HYDIN: variants seen among roughly 807,000 people sequenced by gnomAD.
HYDIN encodes axonemal central pair apparatus protein HYDIN.
Under a neutral mutation model 403.9 loss-of-function variants are expected in HYDIN, and 132 were observed. That is an observed-to-expected ratio of 0.33 (90% confidence interval 0.28 to 0.38). The LOEUF (loss-of-function observed/expected upper bound fraction) is 0.38. Among genes scored for constraint, HYDIN ranks in the 10% least tolerant of loss-of-function variants. The pLI, the probability that HYDIN is intolerant of heterozygous loss-of-function variation, is 1.00. For synonymous variants in HYDIN, 1,202 were observed against 1,891.7 expected (o/e 0.64, Z 9.46); for missense variants, 2,827 against 5,009.5 (o/e 0.56, Z 13.15).
intron 1 of HYDIN, among the ~76,000 whole-genome samples, chr16:71,226,905 G>C (rs1233350686): frequency 6.6e-6 from 1 of 152,068 alleles, no homozygotes; most frequent in Admixed American, 6.5e-5. Flanking sequence ...CAGTTAGTGA[G>C]ACAATTTGAG....
chr16:70,858,925 T>C (rs1217446090), intron 71 of HYDIN, among the ~76,000 whole-genome samples: 1 of 150,292 alleles, frequency 6.7e-6, no homozygotes, highest in Non-Finnish European at 1.5e-5. Flanking sequence ...AGTCTACAAA[T>C]ATGTTTTGTT....
At chr16:70,816,376 C>A (rs1363639969) in intron 84 of HYDIN, among the ~76,000 whole-genome samples, 3 of 148,816 alleles carry the variant, frequency 2.0e-5, no homozygotes, top group Non-Finnish European at 3.0e-5. Flanking sequence ...AAAATTAGAA[C>A]CTTTTTGAAC....
chr16:70,868,784 C>A lies in HYDIN; in HGVS notation c.11096G>T (p.Gly3699Val), dbSNP rs1417117119. ...CTTGGCACACCCAGGGTGGAGGTGGCCCATCTAGGAAAGAGCCTGGTATTA... is the reference window on the plus strand; with the variant it reads ...CTTGGCACACCCAGGGTGGAGGTGGACCATCTAGGAAAGAGCCTGGTATTA... ...SATIAFSPQM[G>V]HLHPGCAKDI... The change falls in exon 66 of 86, where the codon GGC (glycine) becomes GTC (valine). Residue 3699 changes from glycine (G) to valine (V), a missense_variant. Coordinates refer to ENST00000393567, the MANE Select transcript of HYDIN (RefSeq NM_001270974.2). 6.2e-7 allele frequency: 1 copy of A among 1,613,336 alleles called. No homozygotes were observed. The highest frequency in any genetic ancestry group is 8.5e-7 in the Non-Finnish European group (1 of 1,179,776).
intron 52 of HYDIN, among the ~76,000 whole-genome samples, chr16:70,902,002 T>C (rs971835546): frequency 1.3e-5 from 2 of 152,126 alleles, no homozygotes; most frequent in African/African-American, 4.8e-5. Flanking sequence ...TTGTGTTTCA[T>C]TGAAAAAAAA....
intron 3 of HYDIN, among the ~76,000 whole-genome samples, chr16:71,181,747 A>C (rs1043388821): frequency 1.3e-5 from 2 of 152,202 alleles, no homozygotes; most frequent in African/African-American, 4.8e-5. Context: ...ATAAATATTG[A>C]GTTTCCAACA....
chr16:70,986,391 G>T (rs1284952909), intron 27 of HYDIN, among the ~76,000 whole-genome samples: 1 of 152,172 alleles, frequency 6.6e-6, no homozygotes, highest in African/African-American at 2.4e-5. Flanking sequence ...ACTCAGACAT[G>T]AGCCGAAACC....
At chr16:70,985,408 G>A in intron 27 of HYDIN, 86 bp from the exon 28 acceptor site, 1 of 1,101,668 alleles carries the variant, frequency 9.1e-7, no homozygotes, top group Non-Finnish European at 1.3e-6. Context: ...TCATGGATAA[G>A]GGTGTGACAG....
At chr16:71,198,465 T>C (rs537070796) in intron 1 of HYDIN, among the ~76,000 whole-genome samples, 1 of 152,264 alleles carries the variant, frequency 6.6e-6, no homozygotes, top group South Asian at 2.1e-4. Context: ...CTCTTGCTTG[T>C]AGTTGTGAAG....
At chr16:71,221,504 T>A (rs1403230920) in intron 1 of HYDIN, among the ~76,000 whole-genome samples, 1 of 151,938 alleles carries the variant, frequency 6.6e-6, no homozygotes, top group African/African-American at 2.4e-5. Flanking sequence ...TTCCCATAAA[T>A]AATTTTCCAA....
At chr16:71,202,473 C>T (rs3094456) in intron 1 of HYDIN, among the ~76,000 whole-genome samples, 26,902 of 152,020 alleles carry the variant, frequency 0.18, 2,976 homozygotes, top group Middle Eastern at 0.38. Context: ...TGTAATGGCC[C>T]TCTTTTGCTT....
rs1057332295 is a variant in HYDIN at position 70,804,621 on chromosome 16, C to A, written c.*2959G>T. 8.6e-6 allele frequency among the ~76,000 whole-genome samples: 1 copy of A among 116,832 alleles called. No individual in the cohort carries two copies. The highest frequency in any genetic ancestry group is 1.8e-5 in the Non-Finnish European group (1 of 55,164). 76.6% of individuals were successfully genotyped at this position (116,832 alleles called of 152,430 possible). ...CAGGACCAAGAATAAATATCTCAAA[C>A]GGAAAACTTAACGTTTCCTAATGTT... On this transcript the variant is annotated 3_prime_UTR_variant, in exon 86 of 86. Coordinates refer to ENST00000393567, the MANE Select transcript of HYDIN (RefSeq NM_001270974.2).
chr16:70,905,342 T>C (rs2076504935), intron 50 of HYDIN, among the ~76,000 whole-genome samples: 1 of 151,586 alleles, frequency 6.6e-6, no homozygotes, highest in Non-Finnish European at 1.5e-5. Flanking sequence ...CTCAGCACGG[T>C]TTAAAATAAT....
At chr16:71,034,595 A>C in intron 18 of HYDIN, among the ~76,000 whole-genome samples, 1 of 152,066 alleles carries the variant, frequency 6.6e-6, no homozygotes, top group East Asian at 1.9e-4. Context: ...TCAATTTCCC[A>C]ATTTATAATT....
At chr16:71,222,032 T>C (rs1015155242) in intron 1 of HYDIN, among the ~76,000 whole-genome samples, 4 of 152,230 alleles carry the variant, frequency 2.6e-5, no homozygotes, top group Admixed American at 6.5e-5. Context: ...ATCACTTTCT[T>C]TTTTCAATCC....
At chr16:70,951,044 G>A (rs1345537188) in intron 41 of HYDIN, among the ~76,000 whole-genome samples, 2 of 152,076 alleles carry the variant, frequency 1.3e-5, no homozygotes, top group African/African-American at 4.8e-5. Flanking sequence ...AGACCAGCCT[G>A]GGCAACACAG....
Position 71,115,765 on chromosome 16 carries a change from C to G in HYDIN, c.1258G>C (p.Glu420Gln), listed in dbSNP as rs529717289. 1 of 1,029,432 alleles carries G rather than the reference C, an allele frequency of 9.7e-7. No individual in the cohort carries two copies. Among genetic ancestry groups the G allele is most frequent in the Admixed American group, 1.8e-5 (1 of 56,720 alleles). The allele number at this position is 1,029,432 out of a possible 1,614,324, so 63.8% of individuals were successfully genotyped here. A position where few individuals can be genotyped will look rare whatever the true frequency, so the allele number is the denominator to read the frequency against. The stretch of plus-strand genomic sequence containing the variant: ...AGTGGGTTAAAGTACACGGTGATTT[C>G]AGCTGATGAGTTGGGCCAGACATCA... The part of the protein sequence containing the change: ...EGDVWPNSSA[E>Q]ITVYFNPLEA... Residue 420 changes from glutamate to glutamine, a missense_variant, in exon 10 of 86, where the codon GAA (glutamate) becomes CAA (glutamine). Coordinates refer to ENST00000393567, the MANE Select transcript of HYDIN (RefSeq NM_001270974.2).
intron 35 of HYDIN, among the ~76,000 whole-genome samples, 157 bp from the exon 36 acceptor site, chr16:70,970,916 A>G (rs1210590906): frequency 1.3e-5 from 2 of 152,240 alleles, no homozygotes; most frequent in Non-Finnish European, 2.9e-5. Flanking sequence ...CCGAATTAAC[A>G]TAAGTACTGG....
rs997958629 is a variant in HYDIN, at chr16:70,820,195, T to C, written c.14428-1623A>G. Reference sequence around the variant, plus strand: ...ATTTTTTTTTCTTTTTTCTTTTTTTTTTTTTTTTTTTTTGAGATGGAGTCT... The same window carrying C: ...ATTTTTTTTTCTTTTTTCTTTTTTTCTTTTTTTTTTTTTGAGATGGAGTCT... On this transcript the variant is annotated intron_variant, in intron 83 of 85. Coordinates refer to ENST00000393567, the MANE Select transcript of HYDIN (RefSeq NM_001270974.2). Among the ~76,000 whole-genome samples, 87 of 129,888 alleles carry C rather than the reference T, an allele frequency of 6.7e-4. 1 individual carries two copies. The highest frequency in any genetic ancestry group is 2.2e-3 in the African/African-American group (77 of 34,592). The allele number at this position is 129,888 out of a possible 152,430, so 85.2% of individuals were successfully genotyped here. A position where few individuals can be genotyped will look rare whatever the true frequency, so the allele number is the denominator to read the frequency against.
intron 67 of HYDIN, chr16:70,865,182 C>T (rs2039672423): frequency 2.7e-6 from 1 of 365,386 alleles, no homozygotes; most frequent in African/African-American, 2.1e-5. Flanking sequence ...TTCATTCTCG[C>T]TTCTTCACTT....
Sources: gnomAD v4.1 joint callset for allele counts (sites outside exome capture counted in the v4.1 genomes callset) on GRCh38, gnomAD v4.1.1 for gene constraint, MANE v1.5 for transcripts, NCBI Gene and HGNC (gene_info 2026-07-23, HGNC 2026-07-21) for gene names.